Variants in PTPRT observed in about 807,000 individuals in gnomAD.
PTPRT encodes the protein protein tyrosine phosphatase receptor type T, also known as receptor-type tyrosine-protein phosphatase T.
A neutral mutation model predicts 176.8 loss-of-function variants in PTPRT; 56 were observed. That is an observed-to-expected ratio of 0.32 (90% confidence interval 0.26 to 0.40). The LOEUF is 0.40. PTPRT is among the 10% of genes least tolerant of loss of function. The pLI is 1.00. For synonymous variants in PTPRT, 783 were observed against 739.0 expected (o/e 1.06, Z -0.96); for missense variants, 1,540 against 1,908.2 (o/e 0.81, Z 3.60).
intron 7 of PTPRT, among the ~76,000 whole-genome samples, chr20:42,662,474 A>G (rs2075240759): frequency 6.6e-6 from 1 of 152,142 alleles, no homozygotes; most frequent in African/African-American, 2.4e-5. Context: ...AATGGTCATG[A>G]TAAAACCTAC....
chr20:42,589,339 A>T (rs1216906647), intron 7 of PTPRT, among the ~76,000 whole-genome samples: 1 of 152,214 alleles, frequency 6.6e-6, no homozygotes, highest in African/African-American at 2.4e-5. Context: ...AGCTTTCTCC[A>T]TTAGCAAGAG....
At chr20:42,486,525 A>G (rs1051564324) in intron 7 of PTPRT, among the ~76,000 whole-genome samples, 5 of 152,300 alleles carry the variant, frequency 3.3e-5, no homozygotes, top group Admixed American at 1.3e-4. Flanking sequence ...ATATTTATAC[A>G]TACCTCCTAC....
intron 7 of PTPRT, among the ~76,000 whole-genome samples, chr20:42,604,556 A>C (rs936378841): frequency 6.6e-6 from 1 of 151,750 alleles, no homozygotes; most frequent in African/African-American, 2.4e-5. Flanking sequence ...ACCTAGCACT[A>C]ATGTGGGTGG....
intron 7 of PTPRT, among the ~76,000 whole-genome samples, chr20:42,659,345 C>T (rs1445692613): frequency 6.6e-6 from 1 of 152,168 alleles, no homozygotes; most frequent in Non-Finnish European, 1.5e-5. Flanking sequence ...ATGTCATGGT[C>T]TTGGGATATT....
At chr20:43,101,275 A>C (rs1433149070) in intron 1 of PTPRT, among the ~76,000 whole-genome samples, 1 of 152,098 alleles carries the variant, frequency 6.6e-6, no homozygotes, top group East Asian at 1.9e-4. Flanking sequence ...TGTATGTAAA[A>C]GACTCTTTGC....
intron 7 of PTPRT, among the ~76,000 whole-genome samples, chr20:42,554,013 G>A (rs2145624286): frequency 6.6e-6 from 1 of 152,196 alleles, no homozygotes; most frequent in Non-Finnish European, 1.5e-5. Context: ...AGTGGTAAAA[G>A]GAAAAGGCCT....
intron 26 of PTPRT, 87 bp from the exon 27 acceptor site, chr20:42,098,639 C>A (rs1207168111): frequency 3.3e-6 from 5 of 1,536,092 alleles, no homozygotes; most frequent in African/African-American, 2.8e-5. Context: ...AGGCCAGAGG[C>A]TCCAGAGCCT....
At position 42,629,194 on chromosome 20, in the gene PTPRT, T is replaced by C. The variant is rs1600500887; in HGVS notation, c.1153+48672A>G. Among the ~76,000 whole-genome samples, 2 of 152,236 alleles carry C rather than the reference T, an allele frequency of 1.3e-5. 1 individual carries two copies. The highest frequency in any genetic ancestry group is 6.8e-3 in the Middle Eastern group (2 of 294). ...AAGAAAAGCCAGTGAGGATGCTTTT[T>C]TTTTTTTTCCTGGTGAAGTAATTAT... On this transcript the variant is annotated intron_variant, in intron 7 of 30. Coordinates refer to ENST00000373187, the MANE Select transcript of PTPRT (RefSeq NM_007050.6).
intron 1 of PTPRT, among the ~76,000 whole-genome samples, chr20:42,943,538 C>T (rs2145997839): frequency 6.6e-6 from 1 of 152,262 alleles, no homozygotes; most frequent in Middle Eastern, 3.4e-3. Flanking sequence ...ACCCCTACCC[C>T]CGAGTGGCTT....
intron 5 of PTPRT, among the ~76,000 whole-genome samples, chr20:42,762,552 G>A (rs1350305174): frequency 6.6e-6 from 1 of 152,234 alleles, no homozygotes; most frequent in Non-Finnish European, 1.5e-5. Context: ...AGAGGCGGGA[G>A]TTGTGGCCCC....
chr20:43,166,419 T>C (rs1249406955), intron 1 of PTPRT, among the ~76,000 whole-genome samples: 1 of 152,176 alleles, frequency 6.6e-6, no homozygotes, highest in South Asian at 2.1e-4. Context: ...TGATTGTCTG[T>C]CCACAATTTT....
At chr20:42,592,752 G>A (rs371229672) in intron 7 of PTPRT, among the ~76,000 whole-genome samples, 1 of 152,150 alleles carries the variant, frequency 6.6e-6, no homozygotes, top group South Asian at 2.1e-4. Context: ...GTCAGTTTCT[G>A]CTTCCTGGTT....
intron 12 of PTPRT, among the ~76,000 whole-genome samples, chr20:42,294,853 G>T (rs1176701463): frequency 6.6e-6 from 1 of 151,996 alleles, no homozygotes; most frequent in African/African-American, 2.4e-5. Flanking sequence ...CCTCAGAAAT[G>T]AAGATTAAAT....
chr20:42,197,795 G>T (rs1991292262), intron 16 of PTPRT, among the ~76,000 whole-genome samples: 2 of 152,042 alleles, frequency 1.3e-5, no homozygotes. Context: ...TGCAAATGTT[G>T]CAAAATGGTA....
chr20:42,643,295 A>G (rs763085314), intron 7 of PTPRT, among the ~76,000 whole-genome samples: 10 of 152,156 alleles, frequency 6.6e-5, no homozygotes, highest in Admixed American at 2.0e-4. Context: ...CCCATGAGGT[A>G]CATGCTGTTA....
chr20:42,562,259 G>A (rs2145653861), intron 7 of PTPRT, among the ~76,000 whole-genome samples: 1 of 152,242 alleles, frequency 6.6e-6, no homozygotes, highest in African/African-American at 2.4e-5. Flanking sequence ...CCCTAACCTA[G>A]GTAATGCCAC....
At chr20:43,082,084 T>C (rs1020803711) in intron 1 of PTPRT, among the ~76,000 whole-genome samples, 8 of 152,198 alleles carry the variant, frequency 5.3e-5, no homozygotes, top group African/African-American at 1.9e-4. Context: ...GGTGTTATTG[T>C]GGTTATTTTC....
At chr20:42,140,223 A>T (rs1988559007) in intron 18 of PTPRT, among the ~76,000 whole-genome samples, 1 of 149,972 alleles carries the variant, frequency 6.7e-6, no homozygotes. Flanking sequence ...GTCATTCAGG[A>T]TCCTTTTTTT....
At chr20:42,504,018 G>GT (rs2071801695) in intron 7 of PTPRT, among the ~76,000 whole-genome samples, 1 of 151,808 alleles carries the variant, frequency 6.6e-6, no homozygotes, top group African/African-American at 2.4e-5. Flanking sequence ...ACCCTCATTT[G>GT]TTTTTTCCTT....
Sources: gnomAD v4.1 joint callset for allele counts (sites outside exome capture counted in the v4.1 genomes callset) on GRCh38, gnomAD v4.1.1 for gene constraint, MANE v1.5 for transcripts, NCBI Gene and HGNC (gene_info 2026-07-23, HGNC 2026-07-21) for gene names.